SLC25A21: variants seen among roughly 807,000 people sequenced by gnomAD.
The protein encoded by SLC25A21 is mitochondrial 2-oxodicarboxylate carrier.
Under a neutral mutation model 43.8 loss-of-function variants are expected in SLC25A21, and 47 were observed. The ratio of observed to expected loss-of-function variants is 1.07; its 90% CI spans 0.85 to 1.37. The LOEUF (loss-of-function observed/expected upper bound fraction) is 1.37. Ranked by LOEUF, SLC25A21 falls within the 40% of genes most tolerant of loss-of-function variation. The probability of loss-of-function intolerance (pLI) is 0.00; values close to 1 mark genes in which losing one functional copy is unlikely to be tolerated. For missense variants in SLC25A21, 352 were observed against 350.2 expected, an observed-to-expected ratio of 1.00 and a Z score of -0.04; for synonymous variants, 131 against 121.3, an observed-to-expected ratio of 1.08 and a Z score of -0.52.
Position 36,725,649 on chromosome 14 carries a change from C to T in SLC25A21, c.359G>A (p.Gly120Glu), listed in dbSNP as rs1006470745. 2 of 1,598,016 alleles carry T rather than the reference C, an allele frequency of 1.3e-6. No individual in the cohort carries two copies. Among genetic ancestry groups the T allele is most frequent in the East Asian group, 4.6e-5 (2 of 43,938 alleles). Residue 120 changes from glycine (G) to glutamate (E), a missense_variant, in exon 6 of 10, where the codon GGA (glycine) becomes GAA (glutamate). Physicochemically the swap from Gly to Glu is moderately conservative, Grantham distance 98. Transcript: ENST00000331299. ...LTFAIAGLGS[G>E]LTEAIVVNPF... ...GTTAACTACAATGGCTTCTGTTAGT[C>T]CAGATCCCAATCCAGCAATGGCGAA...
intron 1 of SLC25A21, among the ~76,000 whole-genome samples, chr14:37,075,060 CAAATACTTCTCAAA>C (rs1346586972): frequency 6.6e-6 from 1 of 152,162 alleles, no homozygotes; most frequent in African/African-American, 2.4e-5. Context: ...GTTTCCTGTG[CAAATACTTCTCAAA>C]GGAACTAGCT....
intron 2 of SLC25A21, among the ~76,000 whole-genome samples, chr14:36,861,257 T>C (rs1890057875): frequency 6.6e-6 from 1 of 152,204 alleles, no homozygotes; most frequent in Non-Finnish European, 1.5e-5. Context: ...AATTTGTTTG[T>C]CTAAAGAAAC....
At chr14:36,888,036 T>G (rs1158072811) in intron 1 of SLC25A21, among the ~76,000 whole-genome samples, 2 of 152,092 alleles carry the variant, frequency 1.3e-5, no homozygotes, top group African/African-American at 4.8e-5. Flanking sequence ...TTGGCCATGG[T>G]GGGAGTATTT....
chr14:37,162,537 A>G (rs1594826548), intron 1 of SLC25A21, among the ~76,000 whole-genome samples: 1 of 152,236 alleles, frequency 6.6e-6, no homozygotes, highest in Admixed American at 6.5e-5. Context: ...AACACACGAA[A>G]AAATGCTCAC....
intron 1 of SLC25A21, among the ~76,000 whole-genome samples, chr14:37,141,009 G>C (rs536214817): frequency 3.9e-5 from 6 of 152,284 alleles, no homozygotes; most frequent in African/African-American, 1.4e-4. Context: ...AGCCAGGCGT[G>C]GTGGTGCAGG....
At chr14:37,145,476 C>CACACACACACAGAG (rs780734735) in intron 1 of SLC25A21, among the ~76,000 whole-genome samples, 48 of 143,676 alleles carry the variant, frequency 3.3e-4, no homozygotes, top group Admixed American at 4.9e-4. Flanking sequence ...CACACACACA[C>CACACACACACAGAG]AGAGAGATGA....
chr14:36,886,806 A>AT (rs1483995314), intron 1 of SLC25A21, among the ~76,000 whole-genome samples: 1 of 152,190 alleles, frequency 6.6e-6, no homozygotes, highest in Non-Finnish European at 1.5e-5. Flanking sequence ...ATTGTTTGGT[A>AT]TTTTAACTCA....
In SLC25A21 at chr14:36,734,594, T is replaced by C. The variant is rs1279748577; in HGVS notation, c.204-21A>G. On this transcript the variant is annotated intron_variant, in intron 3 of 9. Coordinates refer to ENST00000331299, the MANE Select transcript of SLC25A21 (RefSeq NM_030631.4). Reference sequence around the variant, plus strand: ...ATAACCTGTTGGAGAAATAAAAGATTTCCTATGAGTAAGGAAATTAGGCAA... The same window carrying C: ...ATAACCTGTTGGAGAAATAAAAGATCTCCTATGAGTAAGGAAATTAGGCAA... The C allele has an allele frequency of 3.2e-6, 5 of 1,572,800 alleles. No homozygotes were observed. The Admixed American group carries it at 7.1e-5, about 22-fold the overall frequency.
intron 7 of SLC25A21, among the ~76,000 whole-genome samples, chr14:36,688,673 AG>A (rs1313054300): frequency 1.3e-5 from 2 of 152,224 alleles, no homozygotes; most frequent in African/African-American, 2.4e-5. Context: ...ACCTCACTAC[AG>A]GTTAAAACAT....
intron 3 of SLC25A21, among the ~76,000 whole-genome samples, chr14:36,812,163 C>A (rs1371394644): frequency 6.6e-6 from 1 of 152,032 alleles, no homozygotes; most frequent in East Asian, 1.9e-4. Flanking sequence ...AAAGTATGCT[C>A]AATTCCAGTA....
intron 2 of SLC25A21, among the ~76,000 whole-genome samples, chr14:36,851,142 C>CT (rs1452453756): frequency 2.0e-5 from 3 of 152,144 alleles, no homozygotes; most frequent in Non-Finnish European, 4.4e-5. Flanking sequence ...TAATAGTTAA[C>CT]TAAACTTGGT....
chr14:36,991,938 CAA>C (rs1386081674), intron 1 of SLC25A21, among the ~76,000 whole-genome samples: 10 of 152,302 alleles, frequency 6.6e-5, no homozygotes, highest in African/African-American at 2.4e-4. Flanking sequence ...TTTGTCTTGA[CAA>C]GATCCTTATG....
At chr14:37,129,731 T>C in intron 1 of SLC25A21, among the ~76,000 whole-genome samples, 1 of 151,772 alleles carries the variant, frequency 6.6e-6, no homozygotes, top group South Asian at 2.1e-4. Context: ...ATTGGGTGCC[T>C]ATAGCCCTTA....
intron 7 of SLC25A21, among the ~76,000 whole-genome samples, chr14:36,710,703 T>C (rs1883819963): frequency 6.6e-6 from 1 of 152,172 alleles, no homozygotes; most frequent in Admixed American, 6.5e-5. Context: ...GTGCTGGGGT[T>C]ACAGGCATAA....
In SLC25A21 at chr14:37,060,341, T is replaced by A. The variant is rs565986139; in HGVS notation, c.70+111940A>T. Among the ~76,000 whole-genome samples the A allele has an allele frequency of 8.0e-5, 12 of 150,382 alleles. No individual in the cohort carries two copies. The South Asian group carries it at 2.5e-3, about 32-fold the overall frequency. On this transcript the variant is annotated intron_variant, in intron 1 of 9. Coordinates refer to ENST00000331299, the MANE Select transcript of SLC25A21 (RefSeq NM_030631.4). ...ATAAGCCATCCAGTCTATGGTATTT[T>A]ATTATAGCAGAATGAAATGACTAAG...
rs1006669783 is a variant in SLC25A21 at position 36,684,753 on chromosome 14, T to C, written c.776A>G (p.Gln259Arg). The C allele has an allele frequency of 6.2e-7, 1 of 1,606,614 alleles. No homozygotes were observed. The highest frequency in any genetic ancestry group is 8.5e-7 in the Non-Finnish European group (1 of 1,177,176). The change falls in exon 8 of 10, where the codon CAG (glutamine) becomes CGG (arginine). Residue 259 changes from glutamine to arginine, a missense_variant. Coordinates refer to ENST00000331299, the MANE Select transcript of SLC25A21 (RefSeq NM_030631.4). ...GAATGTGTTATGTTACCCTTCTTCC[T>C]GATAGACTGTTGCCATTGTTTTAAA... ...TCFKTMATVY[Q>R]EEGILALYKG...
At chr14:37,059,915 A>G (rs1189933870) in intron 1 of SLC25A21, among the ~76,000 whole-genome samples, 1 of 152,190 alleles carries the variant, frequency 6.6e-6, no homozygotes, top group Non-Finnish European at 1.5e-5. Context: ...GGCACAAACA[A>G]AAGTGTGTTT....
intron 1 of SLC25A21, among the ~76,000 whole-genome samples, chr14:36,876,928 G>A (rs1408967): frequency 0.01 from 762 of 76,004 alleles, 2 homozygotes; most frequent in Non-Finnish European, 0.018. Context: ...TAGATAGATA[G>A]ATAGATAGAT....
At chr14:37,146,369 C>CG (rs930855777) in intron 1 of SLC25A21, among the ~76,000 whole-genome samples, 10 of 152,218 alleles carry the variant, frequency 6.6e-5, no homozygotes, top group African/African-American at 2.4e-4. Context: ...CATCAACCCC[C>CG]CTAAGTAGCT....
Sources: allele counts gnomAD v4.1 joint callset (sites outside exome capture counted in the v4.1 genomes callset), GRCh38; gene constraint gnomAD v4.1.1; transcripts MANE v1.5; gene names NCBI Gene and HGNC (gene_info 2026-07-23, HGNC 2026-07-21).